The following TARS1 variants were observed in gnomAD, a reference collection of about 807,000 sequenced individuals.
TARS1 encodes threonine--tRNA ligase 1, cytoplasmic.
A neutral mutation model predicts 97.7 loss-of-function variants in TARS1; 57 were observed. The observed-to-expected ratio is 0.58, with a 90% CI of 0.47 to 0.73. The LOEUF (loss-of-function observed/expected upper bound fraction) is 0.73, where lower values mean the gene tolerates loss of function less well. Among genes scored for constraint, TARS1 ranks in the 30% least tolerant of loss-of-function variants. The pLI, the probability that TARS1 is intolerant of heterozygous loss-of-function variation, is 0.00. For missense variants in TARS1, 806 were observed against 888.3 expected (o/e 0.91, Z 1.18); for synonymous variants, 312 against 293.7 (o/e 1.06, Z -0.64).
Position 33,459,842 on chromosome 5 carries a change from A to C in TARS1, c.1231A>C (p.Met411Leu). ...GAAGGAGCTGTTTGCCCTGAAACCCATGAACTGCCCAGGACACTGGTATTC... is the reference window on the plus strand; with the variant it reads ...GAAGGAGCTGTTTGCCCTGAAACCCCTGAACTGCCCAGGACACTGGTATTC... The part of the protein sequence containing the change: ...VEKELFALKP[M>L]NCPGHCLMFD... The change falls in exon 11 of 19, where the codon ATG becomes CTG. Residue 411 changes from methionine to leucine, a missense_variant. This residue lies in a region of TARS1 where 446 missense variants were observed against 511.0 expected (regional missense o/e 0.87). Transcript: ENST00000265112. 6.2e-7 allele frequency: 1 copy of C among 1,614,178 alleles called. No individual in the cohort carries two copies. The highest frequency in any genetic ancestry group is 8.5e-7 in the Non-Finnish European group (1 of 1,180,008).
Position 33,459,817 on chromosome 5 carries a change from G to T in TARS1, c.1206G>T (p.Glu402Asp). 1 of 1,614,198 alleles carries T rather than the reference G, an allele frequency of 6.2e-7. No individual in the cohort carries two copies. The highest frequency in any genetic ancestry group is 8.5e-7 in the Non-Finnish European group (1 of 1,180,020). The change falls in exon 11 of 19, where the codon GAG (glutamate) becomes GAT (aspartate). Residue 402 changes from glutamate to aspartate, a missense_variant. By Grantham distance (45) the Glu-to-Asp change is conservative (BLOSUM62 2). Around this residue, in one of 3 missense-constraint regions of TARS1, gnomAD observed 446 missense variants for 511.0 expected, o/e 0.87. Transcript: ENST00000265112. Reference sequence around the variant, plus strand: ...AGAACATGTTCTCCTTTGAGGTGGAGAAGGAGCTGTTTGCCCTGAAACCCA... The same window carrying T: ...AGAACATGTTCTCCTTTGAGGTGGATAAGGAGCTGTTTGCCCTGAAACCCA... Reference protein sequence around the residue: ...YSENMFSFEVEKELFALKPMN... With the variant: ...YSENMFSFEVDKELFALKPMN...
chr5:33,466,209 T>G (rs1742522248), intron 17 of TARS1: 1 of 152,228 alleles, frequency 6.6e-6, no homozygotes, highest in Non-Finnish European at 1.5e-5. Flanking sequence ...ATGGCCACTG[T>G]AAGGAAACAG....
At chr5:33,460,559 A>G (rs1485708032) in intron 11 of TARS1, among the ~76,000 whole-genome samples, 1 of 152,212 alleles carries the variant, frequency 6.6e-6, no homozygotes, top group African/African-American at 2.4e-5. Context: ...TGCAGCTCCT[A>G]CTAGCCAGGC....
In TARS1 at chr5:33,461,253, A is replaced by T; in HGVS notation, c.1509A>T (p.Glu503Asp). Residue 503 changes from glutamate (E) to aspartate (D), a missense_variant, in exon 13 of 19, where the codon GAA (glutamate) becomes GAT (aspartate). Physicochemically the swap from Glu to Asp is conservative, Grantham distance 45. Coordinates refer to ENST00000265112, the MANE Select transcript of TARS1 (RefSeq NM_152295.5). ...SFKLNLSTRP[E>D]KFLGDIEVWD... ...AACTAAACCTTTCTACTCGCCCGGA[A>T]AAATTCCTTGGAGATATCGAAGTAT... is the stretch of plus-strand genomic sequence containing the variant. 2 of 1,614,012 alleles carry T rather than the reference A, an allele frequency of 1.2e-6. No homozygotes were observed. The highest frequency in any genetic ancestry group is 1.7e-6 in the Non-Finnish European group (2 of 1,180,008).
chr5:33,467,043 C>A, intron 18 of TARS1, 58 bp downstream of exon 18: 1 of 1,036,250 alleles, frequency 9.7e-7, no homozygotes, highest in Non-Finnish European at 1.4e-6. Context: ...TCTACTGAAA[C>A]CTTGAGACAG....
chr5:33,457,403 G>A lies in TARS1; in HGVS notation c.984G>A (p.Arg328=), dbSNP rs1233559519. 3 of 1,613,658 alleles carry A rather than the reference G, an allele frequency of 1.9e-6. No homozygotes were observed. The highest frequency in any genetic ancestry group is 1.7e-6 in the Non-Finnish European group (2 of 1,179,852). ...ACCGAGATCATAGGAAAATTGGCAG[G>A]GTATGTTCAAGAACAATGATGTGTC... The part of the protein sequence containing the change: ...AKNRDHRKIG[R]DQELYFFHEL... Residue 328 remains arginine, a splice_region_variant and synonymous_variant, in exon 9 of 19, where the codon AGG becomes AGA. Coordinates refer to ENST00000265112, the MANE Select transcript of TARS1 (RefSeq NM_152295.5).
intron 8 of TARS1, among the ~76,000 whole-genome samples, chr5:33,456,729 AATG>A (rs1742034982): frequency 6.6e-6 from 1 of 152,164 alleles, no homozygotes; most frequent in African/African-American, 2.4e-5. Flanking sequence ...CAGGCAAAGT[AATG>A]TTTGTGGAAT....
rs777500452 is a variant in TARS1, at chr5:33,463,775, C to A, written c.1858C>A (p.Gln620Lys). The change falls in exon 17 of 19, where the codon CAG (glutamine) becomes AAG (lysine). Residue 620 changes from glutamine to lysine, a missense_variant. Gln to Lys is a moderately conservative substitution (Grantham distance 53). Around this residue, in one of 3 missense-constraint regions of TARS1, gnomAD observed 446 missense variants for 511.0 expected, o/e 0.87. Transcript: ENST00000265112. Reference sequence around the variant, plus strand: ...AAGGCCCTTTTGGCTGTCCCCTCGCCAGGTAATGGTAGTTCCAGTGGGACC... The same window carrying A: ...AAGGCCCTTTTGGCTGTCCCCTCGCAAGGTAATGGTAGTTCCAGTGGGACC... Reference protein sequence around the residue: ...GKWPFWLSPRQVMVVPVGPTC... With the variant: ...GKWPFWLSPRKVMVVPVGPTC... 1 of 1,612,510 alleles carries A rather than the reference C, an allele frequency of 6.2e-7. No homozygotes were observed. Among genetic ancestry groups the A allele is most frequent in the Non-Finnish European group, 8.5e-7 (1 of 1,179,290 alleles).
intron 14 of TARS1, 75 bp downstream of exon 14, chr5:33,461,819 GA>G (rs1383879063): frequency 6.3e-7 from 1 of 1,591,994 alleles, no homozygotes; most frequent in African/African-American, 1.4e-5. Flanking sequence ...AAAAAAGTTG[GA>G]AAAAAGAAAA....
intron 5 of TARS1, 79 bp downstream of exon 5, chr5:33,455,145 G>A (rs1741952093): frequency 3.2e-6 from 5 of 1,550,268 alleles, no homozygotes; most frequent in Non-Finnish European, 1.8e-6. Context: ...TCTCAGTAAG[G>A]GAGGAATGAT....
chr5:33,462,331 G>A, intron 16 of TARS1, 128 bp downstream of exon 16: 1 of 804,132 alleles, frequency 1.2e-6, no homozygotes. Flanking sequence ...CTAACGACAA[G>A]TGTTCATTAA....
chr5:33,443,562 T>G (rs749190622), intron 1 of TARS1, among the ~76,000 whole-genome samples: 1 of 150,710 alleles, frequency 6.6e-6, no homozygotes, highest in Non-Finnish European at 1.5e-5. Context: ...GCGCGATCTC[T>G]GCTCACTGCA....
intron 16 of TARS1, among the ~76,000 whole-genome samples, chr5:33,462,551 T>C (rs1742345223): frequency 1.3e-5 from 2 of 152,324 alleles, no homozygotes; most frequent in Admixed American, 1.3e-4. Flanking sequence ...TGGTTTTACA[T>C]AGATAAATGA....
chr5:33,449,018 T>C (rs914264199), intron 3 of TARS1, among the ~76,000 whole-genome samples: 1 of 152,214 alleles, frequency 6.6e-6, no homozygotes, highest in Admixed American at 6.5e-5. Context: ...GACTAGACAG[T>C]GTTTACCTAT....
chr5:33,454,157 A>G (rs1211212531), intron 4 of TARS1, among the ~76,000 whole-genome samples: 2 of 152,174 alleles, frequency 1.3e-5, no homozygotes, highest in Admixed American at 6.5e-5. Context: ...TAACACTATA[A>G]AAGTCAACCT....
At chr5:33,452,522 C>G in intron 3 of TARS1, 1 of 952,626 alleles carries the variant, frequency 1.0e-6, no homozygotes, top group Non-Finnish European at 1.6e-6. Flanking sequence ...AGCTTTTACA[C>G]TCTGTGTGCT....
chr5:33,447,486 A>G lies in TARS1; in HGVS notation c.139-1055A>G, dbSNP rs1741478167. ...GGTATCGAACTCCTGGCCTCAAGTG[A>G]TCCATCTGCCTTGGCCTCCCTAAGT... is the stretch of plus-strand genomic sequence containing the variant. On this transcript the variant is annotated intron_variant, in intron 2 of 18. Transcript: ENST00000265112. Among the ~76,000 whole-genome samples, 7 of 152,152 alleles carry G rather than the reference A, an allele frequency of 4.6e-5. No homozygotes were observed. The South Asian group carries it at 1.4e-3, about 32-fold the overall frequency.
chr5:33,457,988 T>A (rs1742110031), intron 9 of TARS1, among the ~76,000 whole-genome samples: 1 of 152,176 alleles, frequency 6.6e-6, no homozygotes, highest in Non-Finnish European at 1.5e-5. Context: ...CCTGACTACC[T>A]GACATTCCAG....
At chr5:33,462,353 T>A in intron 16 of TARS1, 150 bp downstream of exon 16, 1 of 707,366 alleles carries the variant, frequency 1.4e-6, no homozygotes, top group Non-Finnish European at 2.4e-6. Flanking sequence ...AAATAAGGAA[T>A]CACAATCTAA....
Sources: allele counts gnomAD v4.1 joint callset (sites outside exome capture counted in the v4.1 genomes callset), GRCh38; gene constraint gnomAD v4.1.1; regional missense constraint gnomAD v4.1.1; transcripts MANE v1.5; gene names NCBI Gene and HGNC (gene_info 2026-07-23, HGNC 2026-07-21).